PARP8: variants seen among roughly 807,000 people sequenced by gnomAD.
PARP8 encodes poly(ADP-ribose) polymerase family member 8, also known as protein mono-ADP-ribosyltransferase PARP8.
Under a neutral mutation model 124.1 loss-of-function variants are expected in PARP8, and 51 were observed. That is an observed-to-expected ratio of 0.41 (90% CI 0.33 to 0.52). The LOEUF is 0.52. Among genes scored for constraint, PARP8 ranks in the 20% least tolerant of loss-of-function variants. The pLI, the probability that PARP8 is intolerant of heterozygous loss-of-function variation, is 0.21. For synonymous variants in PARP8, 391 were observed against 361.5 expected (o/e 1.08, Z -0.93); for missense variants, 860 against 1,018.9 (o/e 0.84, Z 2.12).
At position 50,795,027 on chromosome 5, in the gene PARP8, C is replaced by A. The variant is rs748417836; in HGVS notation, c.1038C>A (p.Ser346Arg). Residue 346 changes from serine to arginine, a missense_variant, in exon 12 of 26, where the codon AGC becomes AGA. Physicochemically the swap from Ser to Arg is moderately radical, Grantham distance 110. Around this residue, in one of 2 missense-constraint regions of PARP8, gnomAD observed 517 missense variants for 544.2 expected, o/e 0.95. Coordinates refer to ENST00000281631, the MANE Select transcript of PARP8 (RefSeq NM_024615.4). ...GGACCTTTGGCCGCTCCTTGTCCAGCGATCCCAGGGCGGAGCAGGCTATGA... is the reference window on the plus strand; with the variant it reads ...GGACCTTTGGCCGCTCCTTGTCCAGAGATCCCAGGGCGGAGCAGGCTATGA... ...SHRTFGRSLS[S>R]DPRAEQAMTA... 27 of 1,614,186 alleles carry A rather than the reference C, an allele frequency of 1.7e-5. No individual in the cohort carries two copies. Among genetic ancestry groups the A allele is most frequent in the Non-Finnish European group, 2.2e-5 (26 of 1,180,030 alleles).
intron 2 of PARP8, among the ~76,000 whole-genome samples, chr5:50,676,834 C>A (rs971218420): frequency 4.6e-5 from 7 of 152,258 alleles, no homozygotes; most frequent in African/African-American, 1.7e-4. Context: ...CCACATTAGT[C>A]GGGAAGCAAA....
intron 2 of PARP8, among the ~76,000 whole-genome samples, chr5:50,713,027 A>G (rs1283020635): frequency 6.6e-6 from 1 of 152,080 alleles, no homozygotes; most frequent in Non-Finnish European, 1.5e-5. Flanking sequence ...TATAAGTGCC[A>G]GATGGCTTGA....
rs547113464 is a variant in PARP8 at position 50,836,485 on chromosome 5, T to C, written c.2462+1470T>C. 5.9e-5 allele frequency among the ~76,000 whole-genome samples: 9 copies of C among 152,188 alleles called. No individual in the cohort carries two copies. The South Asian group carries it at 8.3e-4, about 14-fold the overall frequency. On this transcript the variant is annotated intron_variant, in intron 25 of 25. Transcript: ENST00000281631. The stretch of plus-strand genomic sequence containing the variant: ...GGATCTATTAGCACCAGAGCTGTTA[T>C]ACATTCCCAGGTACAAAAGGACACA...
intron 2 of PARP8, among the ~76,000 whole-genome samples, chr5:50,743,477 G>A (rs1758254160): frequency 6.6e-6 from 1 of 152,092 alleles, no homozygotes; most frequent in Non-Finnish European, 1.5e-5. Context: ...GTCTGGAGGT[G>A]GGTAGTGGGA....
intron 3 of PARP8, among the ~76,000 whole-genome samples, chr5:50,754,150 T>TATATATATATATAC (rs1312947286): frequency 1.1e-4 from 4 of 37,192 alleles, no homozygotes; most frequent in African/African-American, 4.9e-4. Context: ...TATATATATA[T>TATATATATATATAC]ACACACACAC....
At chr5:50,736,898 C>G (rs1757525891) in intron 2 of PARP8, among the ~76,000 whole-genome samples, 1 of 152,124 alleles carries the variant, frequency 6.6e-6, no homozygotes, top group Non-Finnish European at 1.5e-5. Flanking sequence ...GTTTGCAAAT[C>G]TAGAACCATG....
chr5:50,707,872 A>T (rs1387231335), intron 2 of PARP8, among the ~76,000 whole-genome samples: 1 of 152,122 alleles, frequency 6.6e-6, no homozygotes, highest in East Asian at 1.9e-4. Flanking sequence ...CATAAGTTTT[A>T]GACAGTTTCT....
At chr5:50,836,935 A>G (rs1328476120) in intron 25 of PARP8, among the ~76,000 whole-genome samples, 3 of 152,160 alleles carry the variant, frequency 2.0e-5, no homozygotes, top group South Asian at 4.1e-4. Flanking sequence ...CTCCTTCTGC[A>G]TCTTGCTAAA....
At chr5:50,803,507 T>C (rs1216034172) in intron 14 of PARP8, among the ~76,000 whole-genome samples, 1 of 152,162 alleles carries the variant, frequency 6.6e-6, no homozygotes, top group Non-Finnish European at 1.5e-5. Context: ...TTACACTTTG[T>C]TCATTTTTTT....
chr5:50,736,489 T>C (rs1018641564), intron 2 of PARP8, among the ~76,000 whole-genome samples: 2 of 152,148 alleles, frequency 1.3e-5, no homozygotes, highest in Non-Finnish European at 2.9e-5. Flanking sequence ...CCTAATCAGT[T>C]CAGCACCTAA....
chr5:50,844,170 T>C lies in PARP8; in HGVS notation c.*2102T>C, dbSNP rs1438685420. On this transcript the variant is annotated 3_prime_UTR_variant, in exon 26 of 26. Transcript: ENST00000281631. ...TGTTGACTTAAGAATAACAGTAGGT[T>C]CACCTATCTGAGGAAATTAAGTAGT... The C allele has an allele frequency of 6.6e-6, 1 of 151,840 alleles. No homozygotes were observed. The highest frequency in any genetic ancestry group is 2.4e-5 in the African/African-American group (1 of 41,394). 9.4% of individuals were successfully genotyped at this position (151,840 alleles called of 1,614,324 possible). A position where few individuals can be genotyped will look rare whatever the true frequency, so the allele number is the denominator to read the frequency against.
At chr5:50,668,380 A>T in intron 2 of PARP8, 1 of 483,900 alleles carries the variant, frequency 2.1e-6, no homozygotes, top group Non-Finnish European at 3.8e-6. Flanking sequence ...GTTCTGCTAC[A>T]GTACTAGATT....
intron 2 of PARP8, among the ~76,000 whole-genome samples, chr5:50,695,822 T>G (rs1431183065): frequency 6.6e-6 from 1 of 152,196 alleles, no homozygotes; most frequent in Non-Finnish European, 1.5e-5. Context: ...TTTTTGTGAT[T>G]TAGAGCTGCT....
At chr5:50,716,361 G>C (rs904399811) in intron 2 of PARP8, among the ~76,000 whole-genome samples, 1 of 152,160 alleles carries the variant, frequency 6.6e-6, no homozygotes, top group Non-Finnish European at 1.5e-5. Context: ...TGGATTGGGC[G>C]GCTTCTCCTC....
rs191740445 is a variant in PARP8 at position 50,712,846 on chromosome 5, T to G, written c.147-37305T>G. 5.0e-4 allele frequency among the ~76,000 whole-genome samples: 76 copies of G among 152,134 alleles called. 2 individuals carry two copies. In the East Asian group the frequency reaches 0.014, roughly 28 times the overall value. On this transcript the variant is annotated intron_variant, in intron 2 of 25. Transcript: ENST00000281631. ...GGAAAGAAGGAGGAACAAGGTTTTT[T>G]TTTTTTTAAGTTTTGTTGCTAACAT...
intron 14 of PARP8, among the ~76,000 whole-genome samples, chr5:50,806,924 T>C (rs764470665): frequency 2.0e-5 from 3 of 152,128 alleles, no homozygotes; most frequent in Non-Finnish European, 4.4e-5. Flanking sequence ...CATTACAGTC[T>C]GTAGTAAGTC....
At chr5:50,837,350 A>G (rs1380521282) in intron 25 of PARP8, among the ~76,000 whole-genome samples, 1 of 152,154 alleles carries the variant, frequency 6.6e-6, no homozygotes, top group Non-Finnish European at 1.5e-5. Context: ...TTCTAATTAC[A>G]ACCATCAGTT....
intron 3 of PARP8, among the ~76,000 whole-genome samples, chr5:50,756,897 G>A (rs911921186): frequency 1.3e-5 from 2 of 152,060 alleles, no homozygotes; most frequent in African/African-American, 2.4e-5. Context: ...CTTAGATTCC[G>A]TATAGAAGTG....
intron 7 of PARP8, among the ~76,000 whole-genome samples, chr5:50,774,520 C>A (rs531865276): frequency 2.2e-5 from 3 of 133,334 alleles, no homozygotes; most frequent in Admixed American, 1.5e-4. Context: ...ACTTCCCAGA[C>A]GGGGTGGCCG....
Sources: allele counts gnomAD v4.1 joint callset (sites outside exome capture counted in the v4.1 genomes callset), GRCh38; gene constraint gnomAD v4.1.1; regional missense constraint gnomAD v4.1.1; transcripts MANE v1.5; gene names NCBI Gene and HGNC (gene_info 2026-07-23, HGNC 2026-07-21).